CA4: variants seen among roughly 807,000 people sequenced by gnomAD.
CA4 encodes carbonic anhydrase 4.
CA4 carries 24 observed loss-of-function variants against 34.5 expected under a neutral mutation model. The observed-to-expected ratio is 0.70, with a 90% CI of 0.50 to 0.98. The LOEUF (loss-of-function observed/expected upper bound fraction) is 0.98. Among genes scored for constraint, CA4 ranks in the 50% least tolerant of loss-of-function variants. The pLI is 0.00. For missense variants in CA4, 394 were observed against 396.7 expected, an observed-to-expected ratio of 0.99 and a Z score of 0.06; for synonymous variants, 178 against 170.6, an observed-to-expected ratio of 1.04 and a Z score of -0.34.
chr17:60,172,869 C>A (rs552722640), downstream of CA4, among the ~76,000 whole-genome samples: 8 of 137,330 alleles, frequency 5.8e-5, no homozygotes, highest in African/African-American at 1.9e-4. Context: ...ATAGGCCGGG[C>A]ACAGTGGCTC....
chr17:60,157,760 AAAT>A lies in CA4; in HGVS notation c.486_488del (p.Glu162_Ile163delinsAsp). 1 of 1,614,026 alleles carries A rather than the reference AAAT, an allele frequency of 6.2e-7. No individual in the cohort carries two copies. Among genetic ancestry groups the A allele is most frequent in the Non-Finnish European group, 8.5e-7 (1 of 1,179,868 alleles). Reference sequence around the variant, plus strand: ...AAAGAGGCCCAGGACCCTGAAGACGAAATTGCGGTGCTGGCCTTTCTGGTGGAG... The same window carrying A: ...AAAGAGGCCCAGGACCCTGAAGACGATGCGGTGCTGGCCTTTCTGGTGGAG... On this transcript the variant is annotated inframe_deletion, in exon 5 of 8. Transcript: ENST00000300900.
chr17:60,156,873 A>C (rs2083695715), intron 3 of CA4, 158 bp downstream of exon 3: 1 of 719,376 alleles, frequency 1.4e-6, no homozygotes, highest in African/African-American at 1.8e-5. Flanking sequence ...AGGAGGAGAG[A>C]GCACTCTAGT....
chr17:60,170,299 A>G (rs941887206), intron 5 of CA4, among the ~76,000 whole-genome samples: 1 of 152,202 alleles, frequency 6.6e-6, no homozygotes, highest in Non-Finnish European at 1.5e-5. Context: ...GCAGGGGGCC[A>G]GTGGGGAGCA....
At chr17:60,157,819 A>G (rs1247392160) in intron 5 of CA4, 31 bp downstream of exon 5, 12 of 1,553,950 alleles carry the variant, frequency 7.7e-6, no homozygotes, top group Non-Finnish European at 1.1e-5. Context: ...TTCCCGGGGA[A>G]CCCGGGGCTG....
the CA4 span, among the ~76,000 whole-genome samples, chr17:60,176,697 G>A: frequency 6.6e-6 from 1 of 152,228 alleles, no homozygotes; most frequent in South Asian, 2.1e-4. Context: ...CTGGTCACTG[G>A]AGGGATCTTG....
intron 1 of CA4, among the ~76,000 whole-genome samples, chr17:60,152,637 G>T (rs2083612132): frequency 6.6e-6 from 1 of 152,208 alleles, no homozygotes; most frequent in Non-Finnish European, 1.5e-5. Flanking sequence ...GCTTCTCCTG[G>T]AATGGCTGCC....
chr17:60,155,640 GCA>G (rs1053845197), intron 2 of CA4, among the ~76,000 whole-genome samples: 13 of 147,148 alleles, frequency 8.8e-5, no homozygotes, highest in South Asian at 2.2e-4. Flanking sequence ...ACTCACACAT[GCA>G]CACACACACT....
downstream of CA4, among the ~76,000 whole-genome samples, chr17:60,171,497 C>T (rs1040544522): frequency 1.3e-5 from 2 of 152,218 alleles, no homozygotes; most frequent in Non-Finnish European, 2.9e-5. Flanking sequence ...TGAAAAGGCC[C>T]ACCCTGTGGC....
the CA4 span, among the ~76,000 whole-genome samples, chr17:60,177,681 G>A: frequency 2.0e-5 from 3 of 152,054 alleles, no homozygotes; most frequent in Non-Finnish European, 4.4e-5. Context: ...GACAATTTAG[G>A]CCAGTCCTAC....
At chr17:60,158,213 T>C (rs1176405054) in intron 6 of CA4, 70 bp from the exon 7 acceptor site, 14 of 1,606,144 alleles carry the variant, frequency 8.7e-6, no homozygotes, top group Non-Finnish European at 8.5e-7. Flanking sequence ...GGAGCTGGGC[T>C]CTCAGAGTGC....
At chr17:60,154,256 G>GGGGGGGGGGGGTT (rs2083640565) in intron 1 of CA4, among the ~76,000 whole-genome samples, 1 of 150,816 alleles carries the variant, frequency 6.6e-6, no homozygotes, top group Non-Finnish European at 1.5e-5. Flanking sequence ...TGGGAGGGGT[G>GGGGGGGGGGGGTT]GGGGGGAGGG....
intron 5 of CA4, among the ~76,000 whole-genome samples, chr17:60,167,046 G>T (rs1436933086): frequency 6.6e-6 from 1 of 152,194 alleles, no homozygotes; most frequent in Non-Finnish European, 1.5e-5. Flanking sequence ...ACTTACAATT[G>T]CTACATTGTA....
At chr17:60,169,039 G>T (rs941559228) in intron 5 of CA4, among the ~76,000 whole-genome samples, 2 of 152,138 alleles carry the variant, frequency 1.3e-5, no homozygotes, top group African/African-American at 4.8e-5. Flanking sequence ...CTGAAGTCAG[G>T]AGTTTGGGGC....
At chr17:60,168,324 T>C (rs1249562957) in intron 5 of CA4, among the ~76,000 whole-genome samples, 1 of 62,164 alleles carries the variant, frequency 1.6e-5, no homozygotes, top group African/African-American at 6.9e-5. Flanking sequence ...TTTTATTTTT[T>C]GGGGGGGAGG....
At chr17:60,161,155 C>T (rs1397055142), downstream of CA4, among the ~76,000 whole-genome samples, 1 of 151,808 alleles carries the variant, frequency 6.6e-6, no homozygotes, top group African/African-American at 2.4e-5. Context: ...CCCACCACCA[C>T]GGTGATTACA....
At chr17:60,152,481 C>T (rs891709521) in intron 1 of CA4, among the ~76,000 whole-genome samples, 2 of 152,238 alleles carry the variant, frequency 1.3e-5, no homozygotes, top group Non-Finnish European at 2.9e-5. Flanking sequence ...CCACTACAAA[C>T]CTAGGAGCTG....
intron 1 of CA4, among the ~76,000 whole-genome samples, chr17:60,154,835 C>T (rs558486718): frequency 3.3e-5 from 5 of 152,276 alleles, no homozygotes; most frequent in Admixed American, 6.5e-5. Flanking sequence ...GGGGAGGGGC[C>T]GCCTAATCTC....
Position 60,158,103 on chromosome 17 carries a change from G to T in CA4, c.556G>T (p.Ala186Ser). Residue 186 changes from alanine (A) to serine (S), a missense_variant, in exon 6 of 8, where the codon GCA (alanine) becomes TCA (serine). Physicochemically the swap from Ala to Ser is moderately conservative, Grantham distance 99. Transcript: ENST00000300900. The part of the protein sequence containing the change: ...VNEGFQPLVE[A>S]LSNIPKPEMS... ...CGAGGGCTTCCAGCCACTGGTGGAG[G>T]CACTGTCTAATATCCCCAAACCTGG... 1.2e-6 allele frequency: 2 copies of T among 1,614,016 alleles called. No individual in the cohort carries two copies. The highest frequency in any genetic ancestry group is 2.2e-5 in the South Asian group (2 of 91,078).
chr17:60,157,378 G>A, intron 3 of CA4, 49 bp from the exon 4 acceptor site: 1 of 1,609,442 alleles, frequency 6.2e-7, no homozygotes, highest in Non-Finnish European at 8.5e-7. Context: ...AGAGCTAGAG[G>A]AGGCTGAGGG....
Sources: allele counts gnomAD v4.1 joint callset (sites outside exome capture counted in the v4.1 genomes callset), GRCh38; gene constraint gnomAD v4.1.1; transcripts MANE v1.5; gene names NCBI Gene and HGNC (gene_info 2026-07-23, HGNC 2026-07-21).